Variants in TP63 observed in about 807,000 individuals in gnomAD.
TP63 encodes tumor protein 63.
TP63 carries 17 observed loss-of-function variants against 82.8 expected under a neutral mutation model. That is an observed-to-expected ratio of 0.21 (90% CI 0.14 to 0.31). The LOEUF (loss-of-function observed/expected upper bound fraction) is 0.31. Among genes scored for constraint, TP63 ranks in the 10% least tolerant of loss-of-function variants. The pLI is 1.00. For synonymous variants in TP63, 330 were observed against 321.7 expected (o/e 1.03, Z -0.28); for missense variants, 648 against 895.3 (o/e 0.72, Z 3.52).
At chr3:189,830,981 G>A (rs1057316258) in intron 4 of TP63, among the ~76,000 whole-genome samples, 2 of 152,172 alleles carry the variant, frequency 1.3e-5, no homozygotes, top group African/African-American at 4.8e-5. Flanking sequence ...CTAGGGAAAT[G>A]GAAAAACACC....
chr3:189,635,261 G>A (rs1729703502), intron 1 of TP63, among the ~76,000 whole-genome samples: 2 of 151,890 alleles, frequency 1.3e-5, no homozygotes, highest in Non-Finnish European at 2.9e-5. Flanking sequence ...TTCTTTACTG[G>A]CGTAAAGGTC....
intron 1 of TP63, among the ~76,000 whole-genome samples, chr3:189,638,693 G>A (rs959352701): frequency 1.3e-5 from 2 of 152,034 alleles, no homozygotes; most frequent in East Asian, 1.9e-4. Context: ...ATTTTGATTC[G>A]GGTGGTTATC....
chr3:189,782,015 G>A (rs564876508), intron 3 of TP63, among the ~76,000 whole-genome samples: 1 of 152,242 alleles, frequency 6.6e-6, no homozygotes, highest in African/African-American at 2.4e-5. Flanking sequence ...TGAGGCATGG[G>A]CAGGGGAAGT....
chr3:189,894,339 G>A lies in TP63; in HGVS notation c.1880G>A (p.Ser627Asn), dbSNP rs1293584292. The change falls in exon 14 of 14, where the codon AGT becomes AAT. Residue 627 changes from serine (S) to asparagine (N), a missense_variant. Transcript: ENST00000264731. Reference sequence around the variant, plus strand: ...ACCCCAAGCAGTGCCTCTACAGTCAGTGTGGGCTCCAGTGAGACCCGGGGT... The same window carrying A: ...ACCCCAAGCAGTGCCTCTACAGTCAATGTGGGCTCCAGTGAGACCCGGGGT... ...LRTPSSASTV[S>N]VGSSETRGER... 6 of 1,613,932 alleles carry A rather than the reference G, an allele frequency of 3.7e-6. No individual in the cohort carries two copies. Among genetic ancestry groups the A allele is most frequent in the Admixed American group, 1.7e-5 (1 of 59,994 alleles).
intron 11 of TP63, among the ~76,000 whole-genome samples, chr3:189,887,361 A>G (rs3911034): frequency 0.034 from 5,177 of 152,222 alleles, 313 homozygotes; most frequent in African/African-American, 0.11. Flanking sequence ...CTGTTACTCT[A>G]TAATCCTGGC....
At chr3:189,821,593 C>T (rs542969225) in intron 4 of TP63, among the ~76,000 whole-genome samples, 21 of 152,310 alleles carry the variant, frequency 1.4e-4, no homozygotes, top group African/African-American at 4.8e-4. Flanking sequence ...TTTCCTAAGC[C>T]TCGCTTAAAG....
At chr3:189,635,571 C>G (rs929126523) in intron 1 of TP63, among the ~76,000 whole-genome samples, 1 of 152,098 alleles carries the variant, frequency 6.6e-6, no homozygotes, top group Non-Finnish European at 1.5e-5. Context: ...CCCTGGCTGA[C>G]TCCCTGTTGG....
At chr3:189,650,946 T>C (rs897472679) in intron 1 of TP63, among the ~76,000 whole-genome samples, 5 of 147,016 alleles carry the variant, frequency 3.4e-5, no homozygotes, top group African/African-American at 5.1e-5. Context: ...TTTGGAACTT[T>C]CTGGAGACTT....
intron 3 of TP63, among the ~76,000 whole-genome samples, chr3:189,763,876 GA>G (rs1722755494): frequency 6.6e-6 from 1 of 152,194 alleles, no homozygotes; most frequent in African/African-American, 2.4e-5. Flanking sequence ...GACTTTGACA[GA>G]ATGTGCAATG....
intron 3 of TP63, among the ~76,000 whole-genome samples, chr3:189,749,769 C>G (rs1439837350): frequency 2.0e-5 from 3 of 152,000 alleles, no homozygotes; most frequent in Non-Finnish European, 4.4e-5. Flanking sequence ...ATGTGTCCAT[C>G]AATTAATAAA....
At chr3:189,754,092 T>C (rs1042563997) in intron 3 of TP63, among the ~76,000 whole-genome samples, 2 of 152,166 alleles carry the variant, frequency 1.3e-5, no homozygotes, top group South Asian at 4.1e-4. Context: ...ATTATTGCTG[T>C]TGCTCTTTAT....
At chr3:189,841,106 G>A (rs542398753) in intron 4 of TP63, among the ~76,000 whole-genome samples, 40 of 152,086 alleles carry the variant, frequency 2.6e-4, no homozygotes, top group African/African-American at 8.4e-4. Flanking sequence ...ATTTGAACAC[G>A]GCAAGGACAC....
intron 3 of TP63, among the ~76,000 whole-genome samples, chr3:189,758,437 T>G (rs1722344984): frequency 6.6e-6 from 1 of 152,176 alleles, no homozygotes; most frequent in Admixed American, 6.5e-5. Context: ...CCCTCCTTAG[T>G]GCACATGTCG....
At chr3:189,711,114 C>T (rs1420414424) in intron 1 of TP63, among the ~76,000 whole-genome samples, 1 of 152,166 alleles carries the variant, frequency 6.6e-6, no homozygotes, top group African/African-American at 2.4e-5. Flanking sequence ...CATCTGTTGT[C>T]AGAGATAAGA....
chr3:189,710,126 G>A (rs1026255356), intron 1 of TP63, among the ~76,000 whole-genome samples: 3 of 152,152 alleles, frequency 2.0e-5, no homozygotes, highest in Non-Finnish European at 4.4e-5. Context: ...ATAGAAGTCT[G>A]TGTATATGTT....
chr3:189,772,688 C>G (rs1723466056), intron 3 of TP63, among the ~76,000 whole-genome samples: 2 of 152,120 alleles, frequency 1.3e-5, no homozygotes, highest in Admixed American at 1.3e-4. Context: ...GCTGTAAGAG[C>G]ATGCCAAGCC....
In TP63 at chr3:189,877,654, A is replaced by G. The variant is rs935149677; in HGVS notation, c.1349+4659A>G. 9.2e-5 allele frequency among the ~76,000 whole-genome samples: 14 copies of G among 152,306 alleles called. 1 individual carries two copies. Among genetic ancestry groups the G allele is most frequent in the African/African-American group, 2.6e-4 (11 of 41,578 alleles). ...TTGTGGCTCATTAGTAACACAAGTC[A>G]GAGATTATTAGAACAAAGCAGGATC... is the stretch of plus-strand genomic sequence containing the variant. On this transcript the variant is annotated intron_variant, in intron 10 of 13. Transcript: ENST00000264731.
chr3:189,827,183 G>T (rs1001029134), intron 4 of TP63, among the ~76,000 whole-genome samples: 9 of 152,230 alleles, frequency 5.9e-5, no homozygotes, highest in African/African-American at 2.2e-4. Flanking sequence ...TCACAGTCAA[G>T]AAGGGCAAAC....
At chr3:189,645,312 G>C (rs1712313989) in intron 1 of TP63, 1 of 501,622 alleles carries the variant, frequency 2.0e-6, no homozygotes, top group Non-Finnish European at 3.8e-6. Context: ...CCCTTCTTTG[G>C]TTCCTTTTCC....
Sources: gnomAD v4.1 joint callset for allele counts (sites outside exome capture counted in the v4.1 genomes callset) on GRCh38, gnomAD v4.1.1 for gene constraint, MANE v1.5 for transcripts, NCBI Gene and HGNC (gene_info 2026-07-23, HGNC 2026-07-21) for gene names.